PATJ: variants seen among roughly 807,000 people sequenced by gnomAD.
PATJ encodes inaD-like protein.
In PATJ, 190 loss-of-function variants were observed where a neutral mutation model predicts 224.9. That is an observed-to-expected ratio of 0.84 (90% CI 0.75 to 0.95). The LOEUF (loss-of-function observed/expected upper bound fraction) is 0.95, where lower values mean the gene tolerates loss of function less well. Ranked by LOEUF, PATJ falls within the 40% of genes least tolerant of loss-of-function variation. PATJ has a pLI of 0.00. For synonymous variants in PATJ, 769 were observed against 820.3 expected, an observed-to-expected ratio of 0.94 and a Z score of 1.07; for missense variants, 2,121 against 2,270.3, an observed-to-expected ratio of 0.93 and a Z score of 1.34.
intron 4 of PATJ, among the ~76,000 whole-genome samples, chr1:61,767,223 A>G (rs989880543): frequency 6.6e-6 from 1 of 152,174 alleles, no homozygotes; most frequent in South Asian, 2.1e-4. Flanking sequence ...ATGTATGTTC[A>G]CCTCGACCTT....
At chr1:61,801,589 C>G in intron 11 of PATJ, 34 bp from the exon 12 acceptor site, 12 of 1,367,722 alleles carry the variant, frequency 8.8e-6, no homozygotes, top group African/African-American at 1.5e-5. Context: ...TTAGCATTAA[C>G]AAAATTTTAA....
chr1:62,132,996 G>A (rs4534420), intron 41 of PATJ, among the ~76,000 whole-genome samples: 49 of 151,990 alleles, frequency 3.2e-4, no homozygotes, highest in African/African-American at 1.1e-3. Context: ...GAACTACAGA[G>A]GATTGAGTAG....
chr1:62,056,456 A>G (rs1654555058), intron 31 of PATJ, among the ~76,000 whole-genome samples: 2 of 151,972 alleles, frequency 1.3e-5, no homozygotes, highest in South Asian at 4.2e-4. Context: ...TGAGGCCAGG[A>G]GTTTGAGGCT....
intron 27 of PATJ, among the ~76,000 whole-genome samples, chr1:61,963,377 T>G (rs1242327710): frequency 6.6e-6 from 1 of 152,070 alleles, no homozygotes; most frequent in East Asian, 1.9e-4. Context: ...GGTAGATTGC[T>G]TGAGGTCAGG....
intron 27 of PATJ, among the ~76,000 whole-genome samples, chr1:61,957,220 G>A (rs1178533029): frequency 1.3e-5 from 2 of 152,060 alleles, no homozygotes; most frequent in African/African-American, 4.8e-5. Flanking sequence ...TATAAAGTGG[G>A]TATTCTCATG....
At chr1:62,076,805 T>C (rs1280474646) in intron 31 of PATJ, among the ~76,000 whole-genome samples, 1 of 152,208 alleles carries the variant, frequency 6.6e-6, no homozygotes, top group Non-Finnish European at 1.5e-5. Context: ...CTCTGCGGCT[T>C]GCACCCAGCT....
At chr1:61,743,480 G>T (rs1465917191) in intron 1 of PATJ, among the ~76,000 whole-genome samples, 1 of 152,140 alleles carries the variant, frequency 6.6e-6, no homozygotes, top group Non-Finnish European at 1.5e-5. Flanking sequence ...ACTGCATTTA[G>T]GGTCTGGCTA....
chr1:62,012,455 C>T (rs1646509003), intron 28 of PATJ, among the ~76,000 whole-genome samples: 1 of 151,938 alleles, frequency 6.6e-6, no homozygotes, highest in African/African-American at 2.4e-5. Context: ...AATAGACTTC[C>T]AAAAAAGAAT....
chr1:61,993,443 G>C (rs1645178481), intron 28 of PATJ, among the ~76,000 whole-genome samples: 1 of 152,004 alleles, frequency 6.6e-6, no homozygotes, highest in Non-Finnish European at 1.5e-5. Context: ...CATCATGTAG[G>C]CATGAGCAAT....
intron 32 of PATJ, among the ~76,000 whole-genome samples, chr1:62,082,362 A>G (rs1031107214): frequency 1.3e-5 from 2 of 152,218 alleles, no homozygotes; most frequent in African/African-American, 4.8e-5. Context: ...AGCCTCTTTA[A>G]TAGTGGTTAC....
rs1045154629 is a variant in PATJ at position 62,088,754 on chromosome 1, C to T, written c.4377+4106C>T. On this transcript the variant is annotated intron_variant, in intron 33 of 43. Transcript: ENST00000642238. ...TGCAAAATGACCTTAATATTCCTGACTTGTTGAGTTATGGTGAGGATCAGA... is the reference window on the plus strand; with the variant it reads ...TGCAAAATGACCTTAATATTCCTGATTTGTTGAGTTATGGTGAGGATCAGA... 6.0e-5 allele frequency among the ~76,000 whole-genome samples: 9 copies of T among 150,944 alleles called. No homozygotes were observed. The East Asian group carries it at 1.2e-3, about 20-fold the overall frequency.
rs192602958 is a variant in PATJ at position 62,061,371 on chromosome 1, G to A, written c.4125+10313G>A. 2.6e-3 allele frequency among the ~76,000 whole-genome samples: 391 copies of A among 149,844 alleles called. 2 individuals carry two copies. Among genetic ancestry groups the A allele is most frequent in the African/African-American group, 9.2e-3 (375 of 40,734 alleles). On this transcript the variant is annotated intron_variant, in intron 31 of 43. Transcript: ENST00000642238. ...TAATTTTTGTATTTTTAGTGAAGAC[G>A]GGGTTTTGCCATGTTGGCCAGGCTG...
chr1:62,117,172 G>A lies in PATJ; in HGVS notation c.4844G>A (p.Arg1615Gln), dbSNP rs1374045763. Residue 1615 changes from arginine (R) to glutamine (Q), a missense_variant, in exon 37 of 44, where the codon CGA becomes CAA. Transcript: ENST00000642238. ...GLVQLEIGRL[R>Q]AGSWTSARTT... ...GTGCAGCTAGAGATTGGAAGACTCC[G>A]AGCTGGTTCCTGGACCTCCGCAAGG... The A allele has an allele frequency of 5.0e-6, 8 of 1,614,064 alleles. No homozygotes were observed. Among genetic ancestry groups the A allele is most frequent in the Non-Finnish European group, 3.4e-6 (4 of 1,180,000 alleles).
chr1:61,840,206 A>G (rs1660860648), intron 17 of PATJ, among the ~76,000 whole-genome samples: 1 of 152,064 alleles, frequency 6.6e-6, no homozygotes, highest in Non-Finnish European at 1.5e-5. Context: ...AAGATTTATA[A>G]AAGTTGTAGG....
intron 29 of PATJ, among the ~76,000 whole-genome samples, chr1:62,030,445 G>A (rs1466091483): frequency 6.8e-6 from 1 of 146,898 alleles, no homozygotes; most frequent in Non-Finnish European, 1.5e-5. Context: ...CCTTTGCTTT[G>A]GTGTCTGTGC....
intron 27 of PATJ, among the ~76,000 whole-genome samples, chr1:61,939,455 A>C (rs1677442152): frequency 6.6e-6 from 1 of 151,894 alleles, no homozygotes; most frequent in African/African-American, 2.4e-5. Flanking sequence ...TTGGGTAACA[A>C]GTACAAAATA....
At chr1:61,797,141 T>C (rs759628753) in intron 10 of PATJ, 146 bp from the exon 11 acceptor site, 203 of 850,462 alleles carry the variant, frequency 2.4e-4, no homozygotes, top group Non-Finnish European at 2.0e-4. Flanking sequence ...ACCAAAGTGC[T>C]GGGATTACAG....
intron 27 of PATJ, among the ~76,000 whole-genome samples, chr1:61,960,312 A>G (rs1186316636): frequency 6.6e-6 from 1 of 152,210 alleles, no homozygotes; most frequent in African/African-American, 2.4e-5. Flanking sequence ...TTCTCCCTGC[A>G]TGACCATCCT....
chr1:61,945,333 T>C (rs923025255), intron 27 of PATJ, among the ~76,000 whole-genome samples: 11 of 151,664 alleles, frequency 7.3e-5, no homozygotes, highest in African/African-American at 2.7e-4. Context: ...AGGAGACCCA[T>C]CTCACGTGCA....
Sources: gnomAD v4.1 joint callset for allele counts (sites outside exome capture counted in the v4.1 genomes callset) on GRCh38, gnomAD v4.1.1 for gene constraint, MANE v1.5 for transcripts, NCBI Gene and HGNC (gene_info 2026-07-23, HGNC 2026-07-21) for gene names.